PRDM15: variants seen among roughly 807,000 people sequenced by gnomAD.
PRDM15 encodes PR/SET domain 15, also known as PR domain zinc finger protein 15.
A neutral mutation model predicts 128.6 loss-of-function variants in PRDM15; 64 were observed. The observed-to-expected ratio is 0.50, with a 90% CI of 0.41 to 0.61. PRDM15 has a LOEUF of 0.61. PRDM15 is among the 20% of genes least tolerant of loss of function. The probability of loss-of-function intolerance (pLI) is 0.00; values close to 1 mark genes in which losing one functional copy is unlikely to be tolerated. For missense variants in PRDM15, 1,242 were observed against 1,569.1 expected, an observed-to-expected ratio of 0.79 and a Z score of 3.52; for synonymous variants, 615 against 621.8, an observed-to-expected ratio of 0.99 and a Z score of 0.16.
At chr21:41,847,027 G>A (rs1036371125) in intron 6 of PRDM15, 63 bp downstream of exon 6, 30 of 1,109,640 alleles carry the variant, frequency 2.7e-5, no homozygotes, top group South Asian at 2.1e-4. Context: ...AGGTGACAGC[G>A]TAAGTCAGAG....
chr21:41,826,773 C>T (rs2062485821), intron 12 of PRDM15, among the ~76,000 whole-genome samples: 1 of 152,226 alleles, frequency 6.6e-6, no homozygotes. Context: ...TCTCCAAAGG[C>T]TCCCAGCATG....
intron 6 of PRDM15, among the ~76,000 whole-genome samples, chr21:41,843,968 A>AAAAG (rs949269493): frequency 2.6e-5 from 4 of 150,992 alleles, no homozygotes; most frequent in Non-Finnish European, 3.0e-5. Context: ...AAAAAAAAAA[A>AAAAG]AAAGAAAGAA....
chr21:41,804,117 C>T (rs971147918), intron 22 of PRDM15, among the ~76,000 whole-genome samples: 9 of 152,056 alleles, frequency 5.9e-5, no homozygotes, highest in Admixed American at 1.3e-4. Flanking sequence ...GCGTGCACTA[C>T]CACATTTGGC....
At chr21:41,819,476 CA>C in intron 18 of PRDM15, 105 bp downstream of exon 18, 1 of 979,070 alleles carries the variant, frequency 1.0e-6, no homozygotes, top group South Asian at 1.6e-5. Context: ...GCCCCCGCCA[CA>C]CCCACCTTCC....
chr21:41,830,567 TCAA>T (rs1206679336), intron 11 of PRDM15, among the ~76,000 whole-genome samples: 4 of 142,784 alleles, frequency 2.8e-5, no homozygotes, highest in Non-Finnish European at 4.6e-5. Context: ...ACAAATACAC[TCAA>T]CACACACACC....
intron 13 of PRDM15, 147 bp from the exon 14 acceptor site, chr21:41,823,596 TGA>T (rs1300359812): frequency 2.5e-6 from 2 of 790,294 alleles, no homozygotes; most frequent in Non-Finnish European, 3.9e-6. Flanking sequence ...CCTCAGTGTG[TGA>T]GAGACACAAA....
chr21:41,874,522 TATA>T (rs1485376268), intron 1 of PRDM15, among the ~76,000 whole-genome samples: 1,857 of 64,644 alleles, frequency 0.029, 30 homozygotes, highest in African/African-American at 0.068. Context: ...TATATATATA[TATA>T]TTTTTTTTTT....
chr21:41,828,350 CA>C lies in PRDM15; in HGVS notation c.1367-18del, dbSNP rs1568937041. On this transcript the variant is annotated intron_variant, in intron 11 of 23. Transcript: ENST00000398548. This position sits in a 1 kb window ranked among gnomAD's most constrained non-coding sequence, Gnocchi z 5.7. ...TCTTGTCATCTGTCCAGAGAGCAAA[CA>C]AACACACAACGATTTTGAGGTAAAT... The C allele has an allele frequency of 6.2e-7, 1 of 1,613,168 alleles. No homozygotes were observed. Among genetic ancestry groups the C allele is most frequent in the African/African-American group, 1.3e-5 (1 of 74,996 alleles).
chr21:41,843,639 G>A (rs1414836197), intron 6 of PRDM15, among the ~76,000 whole-genome samples: 1 of 152,190 alleles, frequency 6.6e-6, no homozygotes, highest in Non-Finnish European at 1.5e-5. Context: ...GGGGGCCTGA[G>A]AACACATTTT....
chr21:41,859,350 G>A lies in PRDM15; in HGVS notation c.131+242C>T. On this transcript the variant is annotated intron_variant, in intron 3 of 23. Transcript: ENST00000398548. The surrounding 1 kb of genome is among the most constrained non-coding windows in gnomAD (Gnocchi z 5.3). ...CACACACTGTGTCGGGAACAGCTGG[G>A]CTCCAGCTAAGAACCCTGGAGTGGA... 1 of 939,882 alleles carries A rather than the reference G, an allele frequency of 1.1e-6. No individual in the cohort carries two copies. Among genetic ancestry groups the A allele is most frequent in the East Asian group, 2.6e-5 (1 of 38,984 alleles). 58.2% of individuals were successfully genotyped at this position (939,882 alleles called of 1,614,324 possible).
intron 5 of PRDM15, among the ~76,000 whole-genome samples, chr21:41,852,141 G>A (rs1568986354): frequency 6.6e-6 from 1 of 152,212 alleles, no homozygotes; most frequent in Non-Finnish European, 1.5e-5. Flanking sequence ...GTCTCCAGCA[G>A]GTAAAATGAA....
intron 2 of PRDM15, 23 bp downstream of exon 2, chr21:41,860,304 G>A (rs762571515): frequency 6.2e-7 from 1 of 1,606,672 alleles, no homozygotes; most frequent in Admixed American, 1.7e-5. Flanking sequence ...CTCGGACCTG[G>A]GACAGGTCCC....
intron 21 of PRDM15, among the ~76,000 whole-genome samples, chr21:41,808,235 C>T (rs1276549139): frequency 1.3e-5 from 2 of 152,176 alleles, no homozygotes; most frequent in African/African-American, 2.4e-5. Flanking sequence ...CCTGGCGCTT[C>T]GGGTTCCTAC....
rs752947696 is a variant in PRDM15, at chr21:41,825,978, C to T, written c.1611G>A (p.Gly537=). The T allele has an allele frequency of 6.2e-7, 1 of 1,613,988 alleles. No homozygotes were observed. Among genetic ancestry groups the T allele is most frequent in the Non-Finnish European group, 8.5e-7 (1 of 1,179,894 alleles). ...NLVRYKKEPS[G]CPVCGKVFSC... Reference sequence around the variant, plus strand: ...GCATTACCTTGCCACACACCGGGCACCCGGAAGGCTCCTTCTTGTAACGGA... The same window carrying T: ...GCATTACCTTGCCACACACCGGGCATCCGGAAGGCTCCTTCTTGTAACGGA... Residue 537 remains glycine (G), a synonymous_variant, in exon 13 of 24, where the codon GGG becomes GGA. Coordinates refer to ENST00000398548, the MANE Select transcript of PRDM15 (RefSeq NM_001040424.3).
In PRDM15 at chr21:41,859,706, A is replaced by C. The variant is rs2063751310; in HGVS notation, c.38-21T>G. ...ACACCCTGCAAGCAGACATCCGGGC[A>C]TTAGAGCACCCAGGGAGGGAGACAC... On this transcript the variant is annotated intron_variant, in intron 2 of 23. Coordinates refer to ENST00000398548, the MANE Select transcript of PRDM15 (RefSeq NM_001040424.3). This position sits in a 1 kb window ranked among gnomAD's most constrained non-coding sequence, Gnocchi z 5.3. The C allele has an allele frequency of 6.2e-7, 1 of 1,606,368 alleles. No individual in the cohort carries two copies. The highest frequency in any genetic ancestry group is 1.7e-5 in the Admixed American group (1 of 59,812).
intron 5 of PRDM15, among the ~76,000 whole-genome samples, chr21:41,850,050 T>C (rs1047510505): frequency 1.3e-5 from 2 of 152,270 alleles, no homozygotes; most frequent in Non-Finnish European, 2.9e-5. Context: ...CCCAATGTTA[T>C]AAAATGTGTT....
chr21:41,835,788 T>C (rs111902205), intron 10 of PRDM15, among the ~76,000 whole-genome samples: 1 of 93,496 alleles, frequency 1.1e-5, no homozygotes, highest in Non-Finnish European at 2.4e-5. Context: ...CTTGTGGGCA[T>C]CTGACCAGGA....
At chr21:41,840,096 C>G (rs1020619611) in intron 6 of PRDM15, among the ~76,000 whole-genome samples, 2 of 152,134 alleles carry the variant, frequency 1.3e-5, no homozygotes, top group African/African-American at 4.8e-5. Flanking sequence ...GTGAAAAAAG[C>G]AGACATACAC....
At chr21:41,802,666 G>A (rs372195121) in intron 23 of PRDM15, 46 bp downstream of exon 23, 37 of 1,517,634 alleles carry the variant, frequency 2.4e-5, no homozygotes, top group Non-Finnish European at 3.3e-5. Context: ...CTCATGCTTA[G>A]GGAAAGTGAC....
Sources: gnomAD v4.1 joint callset for allele counts (sites outside exome capture counted in the v4.1 genomes callset) on GRCh38, gnomAD v4.1.1 for gene constraint, Gnocchi (gnomAD v3.1) non-coding constraint, MANE v1.5 for transcripts, NCBI Gene and HGNC (gene_info 2026-07-23, HGNC 2026-07-21) for gene names.